THEMIS: variants seen among roughly 807,000 people sequenced by gnomAD.
THEMIS encodes the protein thymocyte selection associated.
Under a neutral mutation model 52.6 loss-of-function variants are expected in THEMIS, and 37 were observed. The ratio of observed to expected loss-of-function variants is 0.70; its 90% CI spans 0.54 to 0.93. The LOEUF is 0.93. Ranked by LOEUF, THEMIS falls within the 40% of genes least tolerant of loss-of-function variation. THEMIS has a pLI of 0.00. For missense variants in THEMIS, 808 were observed against 763.1 expected, an observed-to-expected ratio of 1.06 and a Z score of -0.69; for synonymous variants, 292 against 272.7, an observed-to-expected ratio of 1.07 and a Z score of -0.70.
At chr6:127,786,214 T>C (rs1392754074) in intron 4 of THEMIS, among the ~76,000 whole-genome samples, 1 of 152,176 alleles carries the variant, frequency 6.6e-6, no homozygotes, top group African/African-American at 2.4e-5. Flanking sequence ...AAAGCAAAAT[T>C]ACCCTGTTCT....
chr6:127,901,032 C>A lies in THEMIS; in HGVS notation c.-100G>T. Reference sequence around the variant, plus strand: ...TGCAGCCCCTGCTCACCATTTCTTCCTCAGGCAGGCAGGAATGTCACACTA... The same window carrying A: ...TGCAGCCCCTGCTCACCATTTCTTCATCAGGCAGGCAGGAATGTCACACTA... On this transcript the variant is annotated 5_prime_UTR_variant, in exon 1 of 6. In the 5' UTR this introduces an upstream ATG that the reference lacks. Coordinates refer to ENST00000368248, the MANE Select transcript of THEMIS (RefSeq NM_001010923.3). 1.1e-6 allele frequency: 1 copy of A among 924,208 alleles called. No individual in the cohort carries two copies. Among genetic ancestry groups the A allele is most frequent in the Non-Finnish European group, 1.8e-6 (1 of 565,252 alleles). The allele number at this position is 924,208 out of a possible 1,614,324, so 57.3% of individuals were successfully genotyped here.
Position 127,855,172 on chromosome 6 carries a change from C to T in THEMIS, c.108G>A (p.Met36Ile), listed in dbSNP as rs746128016. Residue 36 changes from methionine to isoleucine, a missense_variant, in exon 2 of 6, where the codon ATG becomes ATA. Transcript: ENST00000368248. ...TTGAAAAACAGCATTCATTTCCAAACATTTCATAAATAGAGCCTAAAAGGA... is the reference window on the plus strand; with the variant it reads ...TTGAAAAACAGCATTCATTTCCAAATATTTCATAAATAGAGCCTAAAAGGA... ...GIYLEGSIYE[M>I]FGNECCFSTG... The T allele has an allele frequency of 1.7e-5, 28 of 1,600,084 alleles. No individual in the cohort carries two copies. Among genetic ancestry groups the T allele is most frequent in the Non-Finnish European group, 2.0e-5 (24 of 1,174,584 alleles).
chr6:127,872,572 A>G (rs1426041026), intron 1 of THEMIS, among the ~76,000 whole-genome samples: 1 of 152,180 alleles, frequency 6.6e-6, no homozygotes, highest in African/African-American at 2.4e-5. Flanking sequence ...AAAAGAAAAA[A>G]ACAAAAAACT....
chr6:127,898,940 T>G (rs1562328934), intron 1 of THEMIS, among the ~76,000 whole-genome samples: 1 of 151,482 alleles, frequency 6.6e-6, no homozygotes, highest in Non-Finnish European at 1.5e-5. Context: ...AGATAGAGAG[T>G]AGAATGATGG....
At chr6:127,869,161 A>G (rs997946295) in intron 1 of THEMIS, among the ~76,000 whole-genome samples, 5 of 152,226 alleles carry the variant, frequency 3.3e-5, no homozygotes, top group Non-Finnish European at 7.3e-5. Context: ...AAGCTAGTCA[A>G]CAAGTATTGA....
chr6:127,735,337 C>G (rs145817492), intron 4 of THEMIS, among the ~76,000 whole-genome samples: 3 of 150,730 alleles, frequency 2.0e-5, no homozygotes, highest in East Asian at 1.9e-4. Flanking sequence ...GTGTGTGTGT[C>G]TGTGTGTGTA....
chr6:127,889,286 C>T lies in THEMIS; in HGVS notation c.91+11556G>A, dbSNP rs187456786. 2.1e-3 allele frequency among the ~76,000 whole-genome samples: 325 copies of T among 152,158 alleles called. 6 individuals carry two copies. Among genetic ancestry groups the T allele is most frequent in the Admixed American group, 0.019 (297 of 15,272 alleles). On this transcript the variant is annotated intron_variant, in intron 1 of 5. Transcript: ENST00000368248. ...GTGACCACAAAAGGGTTGGGAAGTA[C>T]AAGCATACCATGTACTCAAAAGAGG...
At chr6:127,867,637 T>C (rs923839068) in intron 1 of THEMIS, among the ~76,000 whole-genome samples, 3 of 152,084 alleles carry the variant, frequency 2.0e-5, no homozygotes, top group Admixed American at 6.6e-5. Context: ...TCAAGAAAGC[T>C]ACACAATATC....
intron 4 of THEMIS, among the ~76,000 whole-genome samples, chr6:127,766,971 A>G (rs1172284179): frequency 6.6e-6 from 1 of 152,198 alleles, no homozygotes; most frequent in Non-Finnish European, 1.5e-5. Context: ...CTTCAATAAT[A>G]AATTAAACTT....
intron 4 of THEMIS, among the ~76,000 whole-genome samples, chr6:127,734,868 CAAAAAAAAAAAAAAAA>C (rs1197660495): frequency 1.8e-4 from 6 of 32,940 alleles, no homozygotes; most frequent in African/African-American, 8.5e-4. Context: ...GGCTCTGTCT[CAAAAAAAAAAAAAAAA>C]AAAAAAAAAA....
At chr6:127,739,188 G>T (rs562930895) in intron 4 of THEMIS, among the ~76,000 whole-genome samples, 20 of 152,164 alleles carry the variant, frequency 1.3e-4, no homozygotes, top group African/African-American at 4.3e-4. Flanking sequence ...CACATGTTTT[G>T]CCATATAAAA....
At chr6:127,916,385 T>C (rs141643745) in intron 1 of THEMIS, among the ~76,000 whole-genome samples, 257 of 152,216 alleles carry the variant, frequency 1.7e-3, no homozygotes, top group African/African-American at 5.1e-3. Flanking sequence ...CAATTTTTGT[T>C]TGTGGTTCCT....
intron 1 of THEMIS, among the ~76,000 whole-genome samples, chr6:127,873,729 G>A (rs1232672912): frequency 6.6e-6 from 1 of 152,132 alleles, no homozygotes; most frequent in African/African-American, 2.4e-5. Flanking sequence ...ACTGTTGACT[G>A]GAAGCATTCC....
intron 1 of THEMIS, among the ~76,000 whole-genome samples, chr6:127,891,074 G>T (rs936227529): frequency 3.3e-5 from 5 of 152,054 alleles, no homozygotes; most frequent in Admixed American, 3.3e-4. Context: ...TATTTAATAT[G>T]TCCAAAACAA....
downstream of THEMIS, among the ~76,000 whole-genome samples, chr6:127,704,072 T>C (rs1384522404): frequency 1.3e-5 from 2 of 152,164 alleles, no homozygotes; most frequent in African/African-American, 4.8e-5. Flanking sequence ...ATGACTTAAT[T>C]ACTTCTTAAA....
intron 4 of THEMIS, among the ~76,000 whole-genome samples, chr6:127,780,825 T>A (rs1776719273): frequency 6.6e-6 from 1 of 152,172 alleles, no homozygotes; most frequent in Non-Finnish European, 1.5e-5. Flanking sequence ...GCTCTAAATA[T>A]TTTTTCCTTC....
At chr6:127,912,850 G>A (rs1781442064) in intron 1 of THEMIS, among the ~76,000 whole-genome samples, 1 of 152,104 alleles carries the variant, frequency 6.6e-6, no homozygotes. Context: ...GTGCCTGTAG[G>A]CCAAATGTTG....
chr6:127,822,067 T>C (rs1227227076), intron 3 of THEMIS, among the ~76,000 whole-genome samples: 2 of 152,006 alleles, frequency 1.3e-5, no homozygotes, highest in African/African-American at 2.4e-5. Flanking sequence ...CTGTTTAATC[T>C]TTGTCATTTA....
At chr6:127,907,336 G>GTTTTTTTTTTT (rs1444629822) in intron 1 of THEMIS, among the ~76,000 whole-genome samples, 4 of 28,612 alleles carry the variant, frequency 1.4e-4, no homozygotes, top group Admixed American at 4.6e-4. Context: ...ATTAGGCTCG[G>GTTTTTTTTTTT]ATTTTTTTTT....
Sources: allele counts gnomAD v4.1 joint callset (sites outside exome capture counted in the v4.1 genomes callset), GRCh38; gene constraint gnomAD v4.1.1; transcripts MANE v1.5; gene names NCBI Gene and HGNC (gene_info 2026-07-23, HGNC 2026-07-21).